GRIN2B: variants seen among roughly 807,000 people sequenced by gnomAD.
GRIN2B encodes glutamate receptor ionotropic, NMDA 2B.
GRIN2B carries 5 observed loss-of-function variants against 114.5 expected under a neutral mutation model. The ratio of observed to expected loss-of-function variants is 0.04; its 90% confidence interval spans 0.02 to 0.09. The LOEUF is 0.09. Among genes scored for constraint, GRIN2B ranks in the 10% least tolerant of loss-of-function variants. The pLI is 1.00. For synonymous variants in GRIN2B, 787 were observed against 745.1 expected (o/e 1.06, Z -0.92); for missense variants, 1,108 against 1,943.5 (o/e 0.57, Z 8.08).
chr12:13,616,383 C>T, intron 6 of GRIN2B, 72 bp downstream of exon 6: 1 of 1,112,206 alleles, frequency 9.0e-7, no homozygotes, highest in Non-Finnish European at 1.4e-6. Flanking sequence ...GGTCTCAGGC[C>T]AGCCAAGTGC....
At chr12:13,642,545 CT>C (rs1200513911) in intron 5 of GRIN2B, among the ~76,000 whole-genome samples, 1 of 152,142 alleles carries the variant, frequency 6.6e-6, no homozygotes, top group African/African-American at 2.4e-5. Context: ...TACATGTATA[CT>C]TTGATTATAA....
At chr12:13,702,740 G>A in intron 4 of GRIN2B, among the ~76,000 whole-genome samples, 1 of 152,116 alleles carries the variant, frequency 6.6e-6, no homozygotes, top group Non-Finnish European at 1.5e-5. Flanking sequence ...GGGCTCTCAT[G>A]CAAACAGGAG....
Position 13,753,020 on chromosome 12 carries a change from T to C in GRIN2B, c.1010+297A>G, listed in dbSNP as rs1050099979. Among the ~76,000 whole-genome samples, 3 of 152,194 alleles carry C rather than the reference T, an allele frequency of 2.0e-5. No individual in the cohort carries two copies. The highest frequency in any genetic ancestry group is 7.2e-5 in the African/African-American group (3 of 41,442). On this transcript the variant is annotated intron_variant, in intron 4 of 13. Coordinates refer to ENST00000609686, the MANE Select transcript of GRIN2B (RefSeq NM_000834.5). The surrounding 1 kb of genome is among the most constrained non-coding windows in gnomAD (Gnocchi z 6.2). Reference sequence around the variant, plus strand: ...AAGCCTATTCTTTCGTATTGTAAAATAGAAACAATTGTTAAAACCTGACTT... The same window carrying C: ...AAGCCTATTCTTTCGTATTGTAAAACAGAAACAATTGTTAAAACCTGACTT...
At position 13,550,172 on chromosome 12, in the gene GRIN2B, A is replaced by T. The variant is rs1230720174; in HGVS notation, c.*12611T>A. ...TTCCAAGTCAAAGGAGGTTATTTGG[A>T]GAAGTGGTTATGGTAAATTCTTCTG... On this transcript the variant is annotated 3_prime_UTR_variant, in exon 14 of 14. Transcript: ENST00000609686. 1 of 152,190 alleles carries T rather than the reference A, an allele frequency of 6.6e-6. No individual in the cohort carries two copies. The highest frequency in any genetic ancestry group is 1.9e-4 in the East Asian group (1 of 5,194). 9.4% of individuals were successfully genotyped at this position (152,190 alleles called of 1,614,324 possible).
At position 13,722,024 on chromosome 12, in the gene GRIN2B, T is replaced by C. The variant is rs144213218; in HGVS notation, c.1010+31293A>G. On this transcript the variant is annotated intron_variant, in intron 4 of 13. Transcript: ENST00000609686. Reference sequence around the variant, plus strand: ...TGCTGCAGAGGGGACAAGATGATAGTAGACTGACTATTGGATTTGGTAACA... The same window carrying C: ...TGCTGCAGAGGGGACAAGATGATAGCAGACTGACTATTGGATTTGGTAACA... Among the ~76,000 whole-genome samples the C allele has an allele frequency of 1.2e-3, 185 of 152,242 alleles. 3 individuals are homozygous for C. The highest frequency in any genetic ancestry group is 2.3e-3 in the Admixed American group (35 of 15,276).
chr12:13,877,398 T>A (rs1329528148), intron 2 of GRIN2B, among the ~76,000 whole-genome samples: 5 of 152,230 alleles, frequency 3.3e-5, no homozygotes, highest in African/African-American at 4.8e-5. Context: ...TAAATTTCCA[T>A]CATTATTCCT....
At chr12:13,873,928 G>A (rs977592320) in intron 2 of GRIN2B, among the ~76,000 whole-genome samples, 9 of 152,152 alleles carry the variant, frequency 5.9e-5, no homozygotes, top group Non-Finnish European at 1.3e-4. Context: ...CTGTTTCTTG[G>A]AAAATATTTG....
chr12:13,627,323 G>T (rs1177130662), intron 5 of GRIN2B, among the ~76,000 whole-genome samples: 1 of 152,078 alleles, frequency 6.6e-6, no homozygotes, highest in African/African-American at 2.4e-5. Flanking sequence ...GTTCAAGTTG[G>T]GTGTCTATTC....
At chr12:13,632,943 CA>C (rs1949629293) in intron 5 of GRIN2B, among the ~76,000 whole-genome samples, 2 of 152,200 alleles carry the variant, frequency 1.3e-5, no homozygotes, top group African/African-American at 4.8e-5. Flanking sequence ...ACATCTGTGG[CA>C]ACCTATTGAT....
At chr12:13,755,553 A>G (rs1359724153) in intron 3 of GRIN2B, among the ~76,000 whole-genome samples, 4 of 152,234 alleles carry the variant, frequency 2.6e-5, no homozygotes, top group African/African-American at 7.2e-5. Context: ...AATTCAGGAA[A>G]GCAGGGAGGG....
intron 2 of GRIN2B, among the ~76,000 whole-genome samples, chr12:13,894,228 T>C (rs1452392063): frequency 6.6e-6 from 1 of 152,156 alleles, no homozygotes; most frequent in Non-Finnish European, 1.5e-5. Context: ...TTTCTGGGAA[T>C]CTTTCCTAAA....
intron 12 of GRIN2B, 31 bp downstream of exon 12, chr12:13,569,799 C>T (rs985003213): frequency 1.4e-6 from 2 of 1,469,190 alleles, no homozygotes; most frequent in Non-Finnish European, 1.9e-6. Flanking sequence ...CAGTAGAGGA[C>T]AAATGGGCAC....
intron 4 of GRIN2B, among the ~76,000 whole-genome samples, chr12:13,736,473 AAATTGT>A (rs1333610123): frequency 6.6e-6 from 1 of 152,168 alleles, no homozygotes; most frequent in African/African-American, 2.4e-5. Flanking sequence ...TCCAGGTCTT[AAATTGT>A]TTGAGGATGC....
chr12:13,686,388 C>T (rs1440658885), intron 4 of GRIN2B, among the ~76,000 whole-genome samples: 1 of 152,072 alleles, frequency 6.6e-6, no homozygotes, highest in Non-Finnish European at 1.5e-5. Context: ...CACTGGGAAG[C>T]TGAAAGAAAC....
At chr12:13,639,828 C>G (rs1229681488) in intron 5 of GRIN2B, among the ~76,000 whole-genome samples, 1 of 151,928 alleles carries the variant, frequency 6.6e-6, no homozygotes, top group Non-Finnish European at 1.5e-5. Flanking sequence ...TACTCATTTT[C>G]TTTTTCATCT....
chr12:13,919,147 T>C (rs982235882), intron 2 of GRIN2B, among the ~76,000 whole-genome samples: 4 of 152,200 alleles, frequency 2.6e-5, no homozygotes, highest in Non-Finnish European at 5.9e-5. Context: ...AGCGTGCATA[T>C]AACCAAACCT....
Position 13,547,045 on chromosome 12 carries a change from A to T in GRIN2B, c.*15738T>A, listed in dbSNP as rs1948353217. ...TTTCTCCAACTTCCTAAGTTAAAAA[A>T]TGATGAGAAAACCATGAAAAATTAC... On this transcript the variant is annotated 3_prime_UTR_variant, in exon 14 of 14. Transcript: ENST00000609686. 6.6e-6 allele frequency: 1 copy of T among 152,212 alleles called. No individual in the cohort carries two copies. Among genetic ancestry groups the T allele is most frequent in the African/African-American group, 2.4e-5 (1 of 41,442 alleles). 9.4% of individuals were successfully genotyped at this position (152,212 alleles called of 1,614,324 possible).
In GRIN2B at chr12:13,916,735, A is replaced by ACACACAAATGTG. The variant is rs59238170; in HGVS notation, c.-18-50510_-18-50509insCACATTTGTGTG. On this transcript the variant is annotated intron_variant, in intron 2 of 13. Transcript: ENST00000609686. ...TATACACACACACACACACACACAC[A>ACACACAAATGTG]TTTGTGTGTGTGTGTGTGTGTGTGT... Among the ~76,000 whole-genome samples the ACACACAAATGTG allele has an allele frequency of 4.7e-3, 478 of 101,916 alleles. 4 individuals are homozygous for ACACACAAATGTG. In the East Asian group the frequency reaches 0.048, roughly 10 times the overall value. The allele number at this position is 101,916 out of a possible 152,430, so 66.9% of individuals were successfully genotyped here. A position where few individuals can be genotyped will look rare whatever the true frequency, so the allele number is the denominator to read the frequency against.
At chr12:13,769,590 T>C (rs954561433) in intron 3 of GRIN2B, among the ~76,000 whole-genome samples, 2 of 152,204 alleles carry the variant, frequency 1.3e-5, no homozygotes, top group African/African-American at 4.8e-5. Context: ...GCAGGGACAA[T>C]TTACTTGGCG....
Sources: gnomAD v4.1 joint callset for allele counts (sites outside exome capture counted in the v4.1 genomes callset) on GRCh38, gnomAD v4.1.1 for gene constraint, Gnocchi (gnomAD v3.1) non-coding constraint, MANE v1.5 for transcripts, NCBI Gene and HGNC (gene_info 2026-07-23, HGNC 2026-07-21) for gene names.